The following GINM1 variants were observed in gnomAD, a reference collection of about 807,000 sequenced individuals.
GINM1 encodes the protein glycoprotein integral membrane protein 1.
In GINM1, 29 loss-of-function variants were observed where a neutral mutation model predicts 37.8. The observed-to-expected ratio is 0.77, with a 90% CI of 0.57 to 1.05. The LOEUF (loss-of-function observed/expected upper bound fraction) is 1.05. Among genes scored for constraint, GINM1 ranks in the 50% least tolerant of loss-of-function variants. GINM1 has a pLI of 0.00. For missense variants in GINM1, 377 were observed against 397.9 expected, an observed-to-expected ratio of 0.95 and a Z score of 0.45; for synonymous variants, 143 against 146.2, an observed-to-expected ratio of 0.98 and a Z score of 0.16.
intron 5 of GINM1, among the ~76,000 whole-genome samples, chr6:149,580,209 A>C (rs904685135): frequency 6.6e-6 from 1 of 152,210 alleles, no homozygotes; most frequent in Non-Finnish European, 1.5e-5. Context: ...TATTTGGAGC[A>C]TTAGTAGAAT....
At position 149,577,716 on chromosome 6, in the gene GINM1, T is replaced by A. The variant is rs1777935221; in HGVS notation, c.278-1106T>A. 2.6e-5 allele frequency among the ~76,000 whole-genome samples: 4 copies of A among 152,190 alleles called. No homozygotes were observed. The South Asian group carries it at 8.3e-4, about 32-fold the overall frequency. ...ATCAGACTAAACAGCTGGGTGTGCATTCAGATTGTATATCTGGATTCCTGT... is the reference window on the plus strand; with the variant it reads ...ATCAGACTAAACAGCTGGGTGTGCAATCAGATTGTATATCTGGATTCCTGT... On this transcript the variant is annotated intron_variant, in intron 3 of 7. Coordinates refer to ENST00000367419, the MANE Select transcript of GINM1 (RefSeq NM_138785.5).
In GINM1 at chr6:149,566,788, A is replaced by G. The variant is rs2115052742; in HGVS notation, c.120+254A>G. Among the ~76,000 whole-genome samples the G allele has an allele frequency of 6.6e-6, 1 of 152,344 alleles. No individual in the cohort carries two copies. Among genetic ancestry groups the G allele is most frequent in the Middle Eastern group, 3.4e-3 (1 of 294 alleles). ...CTCCACACCGACTCTCCGGCGGCCC[A>G]AGCCGGCGCGCGACCTGACGGGGCT... is the stretch of plus-strand genomic sequence containing the variant. On this transcript the variant is annotated intron_variant, in intron 1 of 7. Coordinates refer to ENST00000367419, the MANE Select transcript of GINM1 (RefSeq NM_138785.5). The surrounding 1 kb of genome is among the most constrained non-coding windows in gnomAD (Gnocchi z 4.4).
At chr6:149,582,631 A>C in intron 7 of GINM1, 28 bp downstream of exon 7, 1 of 1,430,914 alleles carries the variant, frequency 7.0e-7, no homozygotes, top group Non-Finnish European at 9.5e-7. Context: ...TTGAAATGTT[A>C]GTATTTTTAA....
chr6:149,569,002 T>G (rs1365233464), intron 1 of GINM1, among the ~76,000 whole-genome samples: 1 of 151,640 alleles, frequency 6.6e-6, no homozygotes, highest in African/African-American at 2.4e-5. Flanking sequence ...TGGCTAGTTT[T>G]TGTATTTTTA....
At chr6:149,569,137 G>T (rs982908549) in intron 1 of GINM1, among the ~76,000 whole-genome samples, 2 of 151,988 alleles carry the variant, frequency 1.3e-5, no homozygotes, top group Non-Finnish European at 2.9e-5. Context: ...AGGTTCAAGT[G>T]ATTCTCCTGC....
intron 7 of GINM1, 108 bp downstream of exon 7, chr6:149,582,711 A>T (rs961476956): frequency 2.7e-6 from 2 of 751,176 alleles, no homozygotes; most frequent in South Asian, 2.4e-5. Context: ...GGGTAAGACA[A>T]ATGGGAGGGA....
intron 7 of GINM1, among the ~76,000 whole-genome samples, chr6:149,586,165 T>C (rs765117189): frequency 1.3e-5 from 2 of 152,202 alleles, no homozygotes; most frequent in Non-Finnish European, 2.9e-5. Context: ...GTGTAGGCTG[T>C]ACAAGAAGCA....
rs1043323569 is a variant in GINM1, at chr6:149,566,624, C to G, written c.120+90C>G. On this transcript the variant is annotated intron_variant, in intron 1 of 7. Transcript: ENST00000367419. The surrounding 1 kb of genome is among the most constrained non-coding windows in gnomAD (Gnocchi z 4.4). The stretch of plus-strand genomic sequence containing the variant: ...CACAGTGACGCTTCCCACATCCCAC[C>G]GGCGGGCAGGGGCGGGGGTCCGGGC... 2 of 1,366,626 alleles carry G rather than the reference C, an allele frequency of 1.5e-6. No individual in the cohort carries two copies. Among genetic ancestry groups the G allele is most frequent in the Non-Finnish European group, 1.9e-6 (2 of 1,057,430 alleles). The allele number at this position is 1,366,626 out of a possible 1,614,324, so 84.7% of individuals were successfully genotyped here.
At position 149,566,384 on chromosome 6, in the gene GINM1, C is replaced by A; in HGVS notation, c.-31C>A. 1 of 1,500,364 alleles carries A rather than the reference C, an allele frequency of 6.7e-7. No homozygotes were observed. The highest frequency in any genetic ancestry group is 1.3e-5 in the South Asian group (1 of 79,856). The allele number at this position is 1,500,364 out of a possible 1,614,324, so 92.9% of individuals were successfully genotyped here. A position where few individuals can be genotyped will look rare whatever the true frequency, so the allele number is the denominator to read the frequency against. The stretch of plus-strand genomic sequence containing the variant: ...GGCCGGCTCCGCCCTCACCTCCCGG[C>A]CGCGGCTGCCCTCTGCCCGGGTTGT... On this transcript the variant is annotated 5_prime_UTR_variant, in exon 1 of 8. Coordinates refer to ENST00000367419, the MANE Select transcript of GINM1 (RefSeq NM_138785.5). The surrounding 1 kb of genome is among the most constrained non-coding windows in gnomAD (Gnocchi z 4.4).
Position 149,582,547 on chromosome 6 carries a change from A to G in GINM1, c.825A>G (p.Thr275=). Residue 275 remains threonine (T), a synonymous_variant, in exon 7 of 8, where the codon ACA becomes ACG. Coordinates refer to ENST00000367419, the MANE Select transcript of GINM1 (RefSeq NM_138785.5). ...TGAACATCATGGTGGTTGGAATTAC[A>G]GGAGCAGCTGTGGTAATAACCATCT... The part of the protein sequence containing the change: ...QFLNIMVVGI[T]GAAVVITILK... 6.2e-7 allele frequency: 1 copy of G among 1,612,050 alleles called. No homozygotes were observed. The highest frequency in any genetic ancestry group is 8.5e-7 in the Non-Finnish European group (1 of 1,179,278).
chr6:149,591,098 T>TG lies in GINM1; in HGVS notation c.*261dup, dbSNP rs1465420687. 1.2e-4 allele frequency: 34 copies of TG among 277,770 alleles called. No individual in the cohort carries two copies. Among genetic ancestry groups the TG allele is most frequent in the East Asian group, 7.4e-4 (10 of 13,446 alleles). 17.2% of individuals were successfully genotyped at this position (277,770 alleles called of 1,614,324 possible). A position where few individuals can be genotyped will look rare whatever the true frequency, so the allele number is the denominator to read the frequency against. On this transcript the variant is annotated 3_prime_UTR_variant, in exon 8 of 8. Transcript: ENST00000367419. Reference sequence around the variant, plus strand: ...TCACGAGGTCAGATCAAGACCATCCTGCCAACATGGTGAAACCCTGTCTCT... The same window carrying TG: ...TCACGAGGTCAGATCAAGACCATCCTGGCCAACATGGTGAAACCCTGTCTCT...
chr6:149,583,646 T>C (rs1001674450), intron 7 of GINM1, among the ~76,000 whole-genome samples: 1 of 141,944 alleles, frequency 7.0e-6, no homozygotes, highest in East Asian at 2.0e-4. Flanking sequence ...AAAAAAAAAG[T>C]AAAAGCAAAA....
Position 149,578,525 on chromosome 6 carries a change from CAAAAAAAAAAA to C in GINM1, c.278-285_278-275del, listed in dbSNP as rs145601764. On this transcript the variant is annotated intron_variant, in intron 3 of 7. Transcript: ENST00000367419. ...TGGGCGACAGAGCAAGACTCCATCT[CAAAAAAAAAAA>C]AAAAAAAAAAAGAATAGGAAAGATG... is the stretch of plus-strand genomic sequence containing the variant. 8.3e-3 allele frequency among the ~76,000 whole-genome samples: 590 copies of C among 71,458 alleles called. 1 individual carries two copies. Among genetic ancestry groups the C allele is most frequent in the African/African-American group, 0.029 (561 of 19,614 alleles). The allele number at this position is 71,458 out of a possible 152,430, so 46.9% of individuals were successfully genotyped here. A position where few individuals can be genotyped will look rare whatever the true frequency, so the allele number is the denominator to read the frequency against.
Position 149,582,977 on chromosome 6 carries a change from A to ACG in GINM1, c.881+374_881+375insCG, listed in dbSNP as rs113281694. Reference sequence around the variant, plus strand: ...TTCAACCCCAGAGTATCAGTTTAAAATGTTAATTTCAGTAGACAAGCAGGA... The same window carrying ACG: ...TTCAACCCCAGAGTATCAGTTTAAAACGTGTTAATTTCAGTAGACAAGCAGGA... On this transcript the variant is annotated intron_variant, in intron 7 of 7. Transcript: ENST00000367419. Among the ~76,000 whole-genome samples the ACG allele has an allele frequency of 5.4e-3, 527 of 97,244 alleles. 4 individuals are homozygous for ACG. The highest frequency in any genetic ancestry group is 0.04 in the African/African-American group (504 of 12,588). 63.8% of individuals were successfully genotyped at this position (97,244 alleles called of 152,430 possible). A position where few individuals can be genotyped will look rare whatever the true frequency, so the allele number is the denominator to read the frequency against.
chr6:149,581,451 C>T (rs989129030), intron 6 of GINM1, among the ~76,000 whole-genome samples: 6 of 152,148 alleles, frequency 3.9e-5, no homozygotes, highest in Admixed American at 1.3e-4. Context: ...GAGCCACCAT[C>T]CCCGGCCGAT....
intron 1 of GINM1, among the ~76,000 whole-genome samples, chr6:149,570,139 TATATATATATATA>T (rs1777790228): frequency 1.4e-3 from 4 of 2,792 alleles, no homozygotes; most frequent in Admixed American, 7.0e-3. Context: ...GTAGGTTTTA[TATATATATATATA>T]TATATATATA....
At chr6:149,588,555 T>A (rs1028026994) in intron 7 of GINM1, among the ~76,000 whole-genome samples, 2 of 152,214 alleles carry the variant, frequency 1.3e-5, no homozygotes, top group Admixed American at 6.5e-5. Context: ...CTTTACAGCA[T>A]GTAGGGTTTT....
intron 1 of GINM1, among the ~76,000 whole-genome samples, chr6:149,568,330 A>T (rs1345642166): frequency 6.6e-6 from 1 of 152,244 alleles, no homozygotes; most frequent in African/African-American, 2.4e-5. Context: ...GTCTGTGGGA[A>T]ACTGAAGTCC....
In GINM1 at chr6:149,566,912, G is replaced by A. The variant is rs1248078619; in HGVS notation, c.120+378G>A. Among the ~76,000 whole-genome samples the A allele has an allele frequency of 6.6e-6, 1 of 152,250 alleles. No homozygotes were observed. Among genetic ancestry groups the A allele is most frequent in the Admixed American group, 6.5e-5 (1 of 15,292 alleles). On this transcript the variant is annotated intron_variant, in intron 1 of 7. Coordinates refer to ENST00000367419, the MANE Select transcript of GINM1 (RefSeq NM_138785.5). The surrounding 1 kb of genome is among the most constrained non-coding windows in gnomAD (Gnocchi z 4.4). The stretch of plus-strand genomic sequence containing the variant: ...GGGCAAGGAATGTTTGTGTGCTCGG[G>A]AAGTGTGGAAGTTGCCCACTTCGCG...
Sources: allele counts gnomAD v4.1 joint callset (sites outside exome capture counted in the v4.1 genomes callset), GRCh38; gene constraint gnomAD v4.1.1; non-coding constraint Gnocchi (gnomAD v3.1); transcripts MANE v1.5; gene names NCBI Gene and HGNC (gene_info 2026-07-23, HGNC 2026-07-21).